Variants in FN1 observed in about 807,000 individuals in gnomAD.
The protein encoded by FN1 is fibronectin 1, also known as fibronectin.
FN1 carries 106 observed loss-of-function variants against 297.3 expected under a neutral mutation model. The observed-to-expected ratio is 0.36, with a 90% CI of 0.30 to 0.42. The LOEUF is 0.42. Among genes scored for constraint, FN1 ranks in the 10% least tolerant of loss-of-function variants. The probability of loss-of-function intolerance (pLI) is 1.00; values close to 1 mark genes in which losing one functional copy is unlikely to be tolerated. For missense variants in FN1, 2,690 were observed against 3,124.9 expected, an observed-to-expected ratio of 0.86 and a Z score of 3.32; for synonymous variants, 1,149 against 1,152.6, an observed-to-expected ratio of 1.00 and a Z score of 0.06.
At chr2:215,402,543 T>G (rs887777148) in intron 20 of FN1, among the ~76,000 whole-genome samples, 1 of 152,140 alleles carries the variant, frequency 6.6e-6, no homozygotes, top group African/African-American at 2.4e-5. Flanking sequence ...ACTACAGAAA[T>G]TTAGTAATTT....
At chr2:215,394,217 A>G (rs1559446155) in intron 24 of FN1, among the ~76,000 whole-genome samples, 1 of 152,212 alleles carries the variant, frequency 6.6e-6, no homozygotes. Flanking sequence ...TACTGAGTAC[A>G]GACACGTGAC....
At chr2:215,386,562 T>C (rs2059021203) in intron 28 of FN1, 127 bp downstream of exon 28, 1 of 747,548 alleles carries the variant, frequency 1.3e-6, no homozygotes, top group African/African-American at 1.9e-5. Context: ...ACCATGACAA[T>C]GATCTATTTT....
chr2:215,392,219 A>C, intron 25 of FN1: 1 of 225,608 alleles, frequency 4.4e-6, no homozygotes, highest in Non-Finnish European at 8.9e-6. Flanking sequence ...GAGGGTCCTA[A>C]ACTTCCCCCC....
In FN1 at chr2:215,375,219, ATAG is replaced by A. The variant is rs1427969772; in HGVS notation, c.6149_6151del (p.Thr2050del). 4 of 1,614,008 alleles carry A rather than the reference ATAG, an allele frequency of 2.5e-6. No individual in the cohort carries two copies. Among genetic ancestry groups the A allele is most frequent in the Admixed American group, 1.7e-5 (1 of 60,000 alleles). On this transcript the variant is annotated inframe_deletion, in exon 38 of 46. Coordinates refer to ENST00000354785, the MANE Select transcript of FN1 (RefSeq NM_212482.4). ...CAGCATGGAAGCAGCAATACCAGTA[ATAG>A]TAGCCTCTGTGACACCAGGGCGGGG...
Position 215,379,119 on chromosome 2 carries a change from T to G in FN1, c.5622+11A>C, listed in dbSNP as rs760890321. Reference sequence around the variant, plus strand: ...CCATCTTTATTCCAATGAACAACGGTCATGTCTTACCATAAGTCCTGATAC... The same window carrying G: ...CCATCTTTATTCCAATGAACAACGGGCATGTCTTACCATAAGTCCTGATAC... On this transcript the variant is annotated intron_variant, in intron 34 of 45. Coordinates refer to ENST00000354785, the MANE Select transcript of FN1 (RefSeq NM_212482.4). 29 of 1,612,690 alleles carry G rather than the reference T, an allele frequency of 1.8e-5. No individual in the cohort carries two copies. The highest frequency in any genetic ancestry group is 2.5e-5 in the Non-Finnish European group (29 of 1,178,850).
intron 28 of FN1, among the ~76,000 whole-genome samples, chr2:215,385,842 A>G (rs1271516265): frequency 6.8e-6 from 1 of 147,684 alleles, no homozygotes; most frequent in Non-Finnish European, 1.5e-5. Flanking sequence ...CAGTGACACA[A>G]TCTTGGCTTA....
At chr2:215,399,467 G>C in intron 20 of FN1, 116 bp from the exon 21 acceptor site, 1 of 732,906 alleles carries the variant, frequency 1.4e-6, no homozygotes, top group East Asian at 2.6e-5. Flanking sequence ...GTGGATAGAG[G>C]ATGTAACATA....
At chr2:215,403,463 T>C (rs2061386969) in intron 20 of FN1, among the ~76,000 whole-genome samples, 1 of 152,190 alleles carries the variant, frequency 6.6e-6, no homozygotes, top group Non-Finnish European at 1.5e-5. Flanking sequence ...TGAAAGCTCT[T>C]AGAAAATTGC....
chr2:215,425,242 C>A lies in FN1; in HGVS notation c.888G>T (p.Pro296=), dbSNP rs201079072. ...FTDVRAAVYQ[P]QPHPQPPPYG... is the part of the protein sequence containing the mutation. The stretch of plus-strand genomic sequence containing the variant: ...AGGGAGGAGGCTGGGGGTGAGGCTG[C>A]GGTTGGTAAACAGCTGCACGAACAT... Residue 296 remains proline, a synonymous_variant, in exon 7 of 46, where the codon CCG becomes CCT. Coordinates refer to ENST00000354785, the MANE Select transcript of FN1 (RefSeq NM_212482.4). The A allele has an allele frequency of 3.1e-6, 5 of 1,614,048 alleles. No homozygotes were observed. The highest frequency in any genetic ancestry group is 2.2e-5 in the South Asian group (2 of 91,078).
chr2:215,397,332 C>G, intron 22 of FN1, 109 bp from the exon 23 acceptor site: 2 of 785,752 alleles, frequency 2.5e-6, no homozygotes, highest in Non-Finnish European at 2.3e-6. Context: ...CCCTCCCTCC[C>G]TCCCTCCCAT....
At chr2:215,391,595 G>A (rs769351437) in intron 26 of FN1, 37 bp downstream of exon 26, 5 of 1,563,042 alleles carry the variant, frequency 3.2e-6, no homozygotes, top group East Asian at 4.5e-5. Flanking sequence ...TATGCTCTAG[G>A]TTAATATTTA....
chr2:215,422,075 T>C lies in FN1; in HGVS notation c.1546+16A>G, dbSNP rs1196028748. 6.2e-7 allele frequency: 1 copy of C among 1,613,866 alleles called. No homozygotes were observed. The highest frequency in any genetic ancestry group is 8.5e-7 in the Non-Finnish European group (1 of 1,179,832). ...CTTTTGCCATCTCAAATATTTTTGTTAATCAGCCAGCATACCTCGAAGCTG... is the reference window on the plus strand; with the variant it reads ...CTTTTGCCATCTCAAATATTTTTGTCAATCAGCCAGCATACCTCGAAGCTG... On this transcript the variant is annotated intron_variant, in intron 10 of 45. Transcript: ENST00000354785.
chr2:215,380,207 C>G (rs2058012639), intron 33 of FN1: 1 of 153,288 alleles, frequency 6.5e-6, no homozygotes, highest in Non-Finnish European at 1.5e-5. Flanking sequence ...AGCAATAATA[C>G]AGACTGTCAC....
chr2:215,394,738 G>C lies in FN1; in HGVS notation c.3605-19C>G. 1 of 1,589,062 alleles carries C rather than the reference G, an allele frequency of 6.3e-7. No homozygotes were observed. The highest frequency in any genetic ancestry group is 8.6e-7 in the Non-Finnish European group (1 of 1,157,660). ...GTAATGTCTGGAGAAAAAAGAAAAGGGAAGTTATTGCACAGAGGATCTGTG... is the reference window on the plus strand; with the variant it reads ...GTAATGTCTGGAGAAAAAAGAAAAGCGAAGTTATTGCACAGAGGATCTGTG... On this transcript the variant is annotated intron_variant, in intron 23 of 45. Coordinates refer to ENST00000354785, the MANE Select transcript of FN1 (RefSeq NM_212482.4).
At position 215,380,998 on chromosome 2, in the gene FN1, T is replaced by C; in HGVS notation, c.5247A>G (p.Gln1749=). The C allele has an allele frequency of 6.2e-7, 1 of 1,614,230 alleles. No homozygotes were observed. The highest frequency in any genetic ancestry group is 8.5e-7 in the Non-Finnish European group (1 of 1,180,028). The change falls in exon 33 of 46, where the codon CAA becomes CAG. Residue 1749 remains glutamine, a synonymous_variant. Transcript: ENST00000354785. ...AGTAGGTCACCCTGTACCTGGAAAC[T>C]TGCCCCTGTGGGCTTTCCCAAGCAA... ...IKIAWESPQG[Q]VSRYRVTYSS...
intron 28 of FN1, among the ~76,000 whole-genome samples, chr2:215,385,778 C>CCTT (rs1396754880): frequency 2.5e-5 from 3 of 120,406 alleles, no homozygotes; most frequent in East Asian, 2.4e-4. Context: ...AGTTTTCCAC[C>CCTT]TTTTTTTTTT....
At chr2:215,399,384 C>G in intron 20 of FN1, 33 bp from the exon 21 acceptor site, 1 of 1,421,688 alleles carries the variant, frequency 7.0e-7, no homozygotes, top group Non-Finnish European at 1.0e-6. Context: ...ATATTCAAAA[C>G]TCAAACTCAC....
chr2:215,420,325 C>T (rs1378837301), intron 11 of FN1, among the ~76,000 whole-genome samples: 2 of 149,224 alleles, frequency 1.3e-5, no homozygotes, highest in Admixed American at 6.8e-5. Context: ...GCAACAAGAG[C>T]GAAACTCTCT....
chr2:215,408,029 C>A lies in FN1; in HGVS notation c.2518+79G>T. On this transcript the variant is annotated intron_variant, in intron 17 of 45. Coordinates refer to ENST00000354785, the MANE Select transcript of FN1 (RefSeq NM_212482.4). The stretch of plus-strand genomic sequence containing the variant: ...TGGAGATTTAAAGTGATATGCAGGT[C>A]CGCAGTCAGAATCTGCGCCCTCCCT... 5.8e-6 allele frequency: 6 copies of A among 1,041,746 alleles called. No homozygotes were observed. In the South Asian group the frequency reaches 7.5e-5, roughly 13 times the overall value. 64.5% of individuals were successfully genotyped at this position (1,041,746 alleles called of 1,614,324 possible).
Sources: allele counts gnomAD v4.1 joint callset (sites outside exome capture counted in the v4.1 genomes callset), GRCh38; gene constraint gnomAD v4.1.1; transcripts MANE v1.5; gene names NCBI Gene and HGNC (gene_info 2026-07-23, HGNC 2026-07-21).